CFAP97: variants seen among roughly 807,000 people sequenced by gnomAD.
The protein encoded by CFAP97 is cilia- and flagella-associated protein 97.
Under a neutral mutation model 43.1 loss-of-function variants are expected in CFAP97, and 36 were observed. The ratio of observed to expected loss-of-function variants is 0.84; its 90% CI spans 0.64 to 1.10. CFAP97 has a LOEUF of 1.10. Among genes scored for constraint, CFAP97 ranks in the 50% least tolerant of loss-of-function variants. The pLI, the probability that CFAP97 is intolerant of heterozygous loss-of-function variation, is 0.00. For missense variants in CFAP97, 657 were observed against 620.3 expected (o/e 1.06, Z -0.63); for synonymous variants, 228 against 225.7 (o/e 1.01, Z -0.09).
intron 1 of CFAP97, among the ~76,000 whole-genome samples, chr4:185,191,637 C>T (rs1736261562): frequency 1.3e-5 from 2 of 152,206 alleles, no homozygotes; most frequent in Admixed American, 1.3e-4. Flanking sequence ...CGAGACCATC[C>T]TGGCCAACAT....
intron 1 of CFAP97, among the ~76,000 whole-genome samples, chr4:185,200,282 G>C (rs1486283462): frequency 6.6e-6 from 1 of 152,190 alleles, no homozygotes; most frequent in Non-Finnish European, 1.5e-5. Flanking sequence ...GACCAGTTGA[G>C]CCCAGAAGTT....
chr4:185,198,281 A>T (rs1736648526), intron 1 of CFAP97, among the ~76,000 whole-genome samples: 1 of 151,870 alleles, frequency 6.6e-6, no homozygotes, highest in African/African-American at 2.4e-5. Context: ...TATCTCTACT[A>T]AAAATACAAA....
chr4:185,164,045 G>A lies in CFAP97; in HGVS notation c.1455C>T (p.Gly485=). Reference sequence around the variant, plus strand: ...AATGCTTACTTAATGGGCTATATTGGCCAAGAGTGGATCTGGCCCGTCTTG... The same window carrying A: ...AATGCTTACTTAATGGGCTATATTGACCAAGAGTGGATCTGGCCCGTCTTG... ...PLSRRARSTL[G]QYSPLRASRT... Residue 485 remains glycine (G), a synonymous_variant, in exon 4 of 5, where the codon GGC becomes GGT. Coordinates refer to ENST00000458385, the MANE Select transcript of CFAP97 (RefSeq NM_020827.3). The A allele has an allele frequency of 6.2e-7, 1 of 1,613,710 alleles. No homozygotes were observed. The highest frequency in any genetic ancestry group is 8.5e-7 in the Non-Finnish European group (1 of 1,179,776).
At chr4:185,188,977 C>T (rs1293139038) in intron 2 of CFAP97, among the ~76,000 whole-genome samples, 3 of 152,144 alleles carry the variant, frequency 2.0e-5, no homozygotes, top group African/African-American at 4.8e-5. Context: ...GTGGCGTGCA[C>T]CCATAATCCC....
intron 2 of CFAP97, among the ~76,000 whole-genome samples, chr4:185,183,491 T>TA (rs1197063675): frequency 9.8e-5 from 15 of 152,318 alleles, no homozygotes; most frequent in African/African-American, 3.6e-4. Context: ...TATTGAGAGA[T>TA]GAATGCAGAA....
At chr4:185,188,599 C>T (rs1044498153) in intron 2 of CFAP97, among the ~76,000 whole-genome samples, 1 of 152,170 alleles carries the variant, frequency 6.6e-6, no homozygotes, top group Non-Finnish European at 1.5e-5. Flanking sequence ...CCACCTTGGC[C>T]TCCAAAGGTG....
chr4:185,200,640 CA>C (rs541601995), intron 1 of CFAP97, among the ~76,000 whole-genome samples: 82 of 139,452 alleles, frequency 5.9e-4, no homozygotes, highest in Middle Eastern at 3.6e-3. Context: ...GATTCTGTCT[CA>C]AAAAAAAAAA....
chr4:185,191,887 TAG>T (rs1367184652), intron 1 of CFAP97, among the ~76,000 whole-genome samples: 5 of 151,864 alleles, frequency 3.3e-5, no homozygotes, highest in African/African-American at 1.2e-4. Context: ...TAAGTACAAT[TAG>T]AGTTTAGAGT....
upstream of CFAP97, chr4:185,209,757 T>G: frequency 4.1e-6 from 4 of 983,922 alleles, no homozygotes; most frequent in Non-Finnish European, 4.8e-6. This position sits in a 1 kb window ranked among gnomAD's most constrained non-coding sequence, Gnocchi z 5.2. Context: ...GGGCTCCCCC[T>G]GCCTCCGGAG....
At chr4:185,204,560 G>A (rs996953951), upstream of CFAP97, 2 of 152,220 alleles carry the variant, frequency 1.3e-5, no homozygotes, top group Admixed American at 1.3e-4. Flanking sequence ...ATGGTAGGAT[G>A]ATGGCACCCC....
intron 1 of CFAP97, among the ~76,000 whole-genome samples, chr4:185,196,617 ACTGAT>A (rs1446699845): frequency 6.6e-6 from 1 of 152,214 alleles, no homozygotes; most frequent in Non-Finnish European, 1.5e-5. Flanking sequence ...TGGAAATGCC[ACTGAT>A]CTATGGAGAT....
chr4:185,164,679 GAAC>G (rs986907198), intron 3 of CFAP97, among the ~76,000 whole-genome samples: 14 of 152,232 alleles, frequency 9.2e-5, no homozygotes, highest in African/African-American at 2.2e-4. Context: ...GCCTAAAACA[GAAC>G]AACAACAACA....
chr4:185,169,520 C>G, intron 3 of CFAP97: 6 of 751,968 alleles, frequency 8.0e-6, no homozygotes, highest in Non-Finnish European at 9.7e-6. Flanking sequence ...TTATAAATTA[C>G]CCAGTCTCAG....
At chr4:185,165,214 CG>C (rs1553969460) in intron 3 of CFAP97, among the ~76,000 whole-genome samples, 1 of 152,112 alleles carries the variant, frequency 6.6e-6, no homozygotes, top group Non-Finnish European at 1.5e-5. Context: ...TTGGGGAGCC[CG>C]GGGCGGGTGG....
At chr4:185,180,880 C>G (rs544031754) in intron 2 of CFAP97, among the ~76,000 whole-genome samples, 4 of 152,064 alleles carry the variant, frequency 2.6e-5, no homozygotes, top group Admixed American at 6.5e-5. Flanking sequence ...TAACACCCCC[C>G]CTAAAGACTG....
At chr4:185,178,869 G>A (rs920201197) in intron 2 of CFAP97, among the ~76,000 whole-genome samples, 4 of 152,028 alleles carry the variant, frequency 2.6e-5, no homozygotes, top group Admixed American at 6.6e-5. Context: ...CTGTGCTTGC[G>A]GTGTTAAGGG....
chr4:185,173,914 A>G (rs1287439504), intron 3 of CFAP97, among the ~76,000 whole-genome samples: 1 of 152,234 alleles, frequency 6.6e-6, no homozygotes, highest in Non-Finnish European at 1.5e-5. Context: ...CTACAACTTA[A>G]TAATATACCA....
chr4:185,176,684 A>G (rs996273074), intron 2 of CFAP97, among the ~76,000 whole-genome samples: 2 of 152,176 alleles, frequency 1.3e-5, no homozygotes, highest in African/African-American at 4.8e-5. Context: ...CTGCAGTTTA[A>G]TAGCTGGAAA....
intron 2 of CFAP97, 127 bp from the exon 3 acceptor site, chr4:185,176,178 T>A: frequency 1.2e-6 from 1 of 831,360 alleles, no homozygotes; most frequent in South Asian, 2.0e-5. Context: ...AATGGGACAA[T>A]CTTAGCTCAC....
Sources: allele counts gnomAD v4.1 joint callset (sites outside exome capture counted in the v4.1 genomes callset), GRCh38; gene constraint gnomAD v4.1.1; non-coding constraint Gnocchi (gnomAD v3.1); transcripts MANE v1.5; gene names NCBI Gene and HGNC (gene_info 2026-07-23, HGNC 2026-07-21).